Variants in HS3ST5 observed in about 807,000 individuals in gnomAD.
The protein encoded by HS3ST5 is heparan sulfate-glucosamine 3-sulfotransferase 5, also known as heparan sulfate glucosamine 3-O-sulfotransferase 5.
Under a neutral mutation model 25.4 loss-of-function variants are expected in HS3ST5, and 10 were observed. That is an observed-to-expected ratio of 0.39 (90% CI 0.24 to 0.67). HS3ST5 has a LOEUF of 0.67. Ranked by LOEUF, HS3ST5 falls within the 30% of genes least tolerant of loss-of-function variation. HS3ST5 has a pLI of 0.44. For synonymous variants in HS3ST5, 170 were observed against 162.4 expected (o/e 1.05, Z -0.36); for missense variants, 324 against 420.7 (o/e 0.77, Z 2.01).
At chr6:114,164,137 T>C (rs993709813) in intron 3 of HS3ST5, among the ~76,000 whole-genome samples, 1 of 50,480 alleles carries the variant, frequency 2.0e-5, no homozygotes, top group Non-Finnish European at 4.2e-5. Context: ...AAGTAAAATA[T>C]GTAGGATTTT....
chr6:114,148,507 G>C (rs930899367), intron 3 of HS3ST5, among the ~76,000 whole-genome samples: 17 of 152,172 alleles, frequency 1.1e-4, no homozygotes, highest in Non-Finnish European at 2.1e-4. Flanking sequence ...TGTAATCCCA[G>C]CTACTCAGGA....
At chr6:114,316,296 G>C (rs1229424423) in intron 1 of HS3ST5, among the ~76,000 whole-genome samples, 1 of 152,050 alleles carries the variant, frequency 6.6e-6, no homozygotes, top group Non-Finnish European at 1.5e-5. Flanking sequence ...ATCTGCTTTT[G>C]GAAGTTACTC....
At chr6:114,139,098 C>G (rs999414709) in intron 3 of HS3ST5, among the ~76,000 whole-genome samples, 1 of 152,208 alleles carries the variant, frequency 6.6e-6, no homozygotes, top group African/African-American at 2.4e-5. Flanking sequence ...AACAGCAGCA[C>G]CATTCAGTCC....
At chr6:114,131,286 A>G (rs897616473) in intron 3 of HS3ST5, 1 of 152,208 alleles carries the variant, frequency 6.6e-6, no homozygotes, top group Non-Finnish European at 1.5e-5. Flanking sequence ...ATTTAAGTAG[A>G]TCATATTTCA....
chr6:114,295,439 A>G (rs565091831), intron 1 of HS3ST5, among the ~76,000 whole-genome samples: 66 of 152,336 alleles, frequency 4.3e-4, no homozygotes, highest in Non-Finnish European at 8.2e-4. Context: ...GAAAGACTGT[A>G]TTGACCATGG....
intron 3 of HS3ST5, among the ~76,000 whole-genome samples, chr6:114,096,183 T>C (rs910085981): frequency 2.0e-5 from 3 of 152,134 alleles, no homozygotes; most frequent in African/African-American, 7.2e-5. Flanking sequence ...TACTGCAAAT[T>C]GTTCACTAGT....
intron 3 of HS3ST5, among the ~76,000 whole-genome samples, chr6:114,064,017 A>G (rs1773304548): frequency 6.6e-6 from 1 of 152,154 alleles, no homozygotes; most frequent in African/African-American, 2.4e-5. Flanking sequence ...AATTTTGGGG[A>G]AAAATGCAAG....
chr6:114,300,381 G>GTCAACAAGCACATGAGATGATGC (rs1348574927), intron 1 of HS3ST5, among the ~76,000 whole-genome samples: 1 of 152,092 alleles, frequency 6.6e-6, no homozygotes, highest in Non-Finnish European at 1.5e-5. Context: ...TATTCAAATG[G>GTCAACAAGCACATGAGATGATGC]TCAACAAGCA....
intron 3 of HS3ST5, among the ~76,000 whole-genome samples, chr6:114,078,233 G>A (rs947909243): frequency 6.6e-6 from 1 of 151,812 alleles, no homozygotes; most frequent in African/African-American, 2.4e-5. Flanking sequence ...CTGAGACGGG[G>A]TCTTGCTCTG....
intron 3 of HS3ST5, among the ~76,000 whole-genome samples, chr6:114,157,639 T>C (rs1422762215): frequency 1.3e-5 from 2 of 152,200 alleles, no homozygotes; most frequent in Non-Finnish European, 2.9e-5. Flanking sequence ...CTTGATTTAA[T>C]CATTTCACAA....
chr6:114,142,092 C>T (rs1777937147), intron 3 of HS3ST5, among the ~76,000 whole-genome samples: 2 of 151,920 alleles, frequency 1.3e-5, no homozygotes, highest in African/African-American at 4.8e-5. Flanking sequence ...CAAAATAATG[C>T]CCTGCCTTTA....
Position 114,255,627 on chromosome 6 carries a change from C to T in HS3ST5, c.-338-26849G>A, listed in dbSNP as rs181811455. Among the ~76,000 whole-genome samples the T allele has an allele frequency of 1.6e-4, 24 of 152,300 alleles. No individual in the cohort carries two copies. The East Asian group carries it at 2.9e-3, about 18-fold the overall frequency. ...GCCTAGACATCCAGGCATTTACATA[C>T]GTCCTCTGAAATCTAGGCAGAGATT... On this transcript the variant is annotated intron_variant, in intron 1 of 4. Transcript: ENST00000312719.
intron 1 of HS3ST5, among the ~76,000 whole-genome samples, chr6:114,341,263 G>GAA (rs1776855305): frequency 6.9e-6 from 1 of 145,396 alleles, no homozygotes; most frequent in African/African-American, 2.6e-5. Flanking sequence ...GAGAGAGAGT[G>GAA]AGTCCCACCG....
At chr6:114,093,569 C>A (rs1251120164) in intron 3 of HS3ST5, among the ~76,000 whole-genome samples, 1 of 152,040 alleles carries the variant, frequency 6.6e-6, no homozygotes, top group Non-Finnish European at 1.5e-5. Flanking sequence ...GCTTTGCCTT[C>A]TGAGTTCTGT....
intron 3 of HS3ST5, among the ~76,000 whole-genome samples, chr6:114,081,962 C>T (rs1036406416): frequency 1.8e-4 from 27 of 152,208 alleles, no homozygotes; most frequent in Admixed American, 1.6e-3. Context: ...TTTACATTTA[C>T]GTTTTCATCA....
chr6:114,144,424 A>G (rs897567255), intron 3 of HS3ST5, among the ~76,000 whole-genome samples: 1 of 152,224 alleles, frequency 6.6e-6, no homozygotes, highest in African/African-American at 2.4e-5. Context: ...GTTACATCAC[A>G]AAGAAAGAAA....
intron 1 of HS3ST5, among the ~76,000 whole-genome samples, chr6:114,268,006 A>G (rs1487478160): frequency 6.6e-6 from 1 of 152,198 alleles, no homozygotes; most frequent in Non-Finnish European, 1.5e-5. Context: ...CATTCGCAAC[A>G]TTAAGTTTGT....
chr6:114,173,861 A>T (rs565025265), intron 2 of HS3ST5, among the ~76,000 whole-genome samples: 1 of 152,278 alleles, frequency 6.6e-6, no homozygotes, highest in South Asian at 2.1e-4. Flanking sequence ...TCCATCTCAA[A>T]CAAAACAAAA....
chr6:114,057,853 G>A lies in HS3ST5; in HGVS notation c.445C>T (p.Gln149Ter), dbSNP rs776438101. The A allele has an allele frequency of 6.2e-7, 1 of 1,614,040 alleles. No individual in the cohort carries two copies. Among genetic ancestry groups the A allele is most frequent in the Non-Finnish European group, 8.5e-7 (1 of 1,179,970 alleles). ...GGGCTCTTTTCAATTGTGATTTGCT[G>A]AGGGTAGGAAAAAGGCATCTTTTTC... ...YRKKMPFSYPQQITIEKSPAY... is the reference protein window; with the variant it reads ...YRKKMPFSYP The change falls in exon 5 of 5, where the codon CAG becomes TAG. Residue 149 changes from glutamine (Q) to a stop codon, truncating the protein, a stop_gained. Coordinates refer to ENST00000312719, the MANE Select transcript of HS3ST5 (RefSeq NM_153612.4). LOFTEE classifies it high-confidence loss of function.
Sources: gnomAD v4.1 joint callset for allele counts (sites outside exome capture counted in the v4.1 genomes callset) on GRCh38, gnomAD v4.1.1 for gene constraint, MANE v1.5 for transcripts, NCBI Gene and HGNC (gene_info 2026-07-23, HGNC 2026-07-21) for gene names.